The following CAMTA1 variants were observed in gnomAD, a reference collection of about 807,000 sequenced individuals.
The protein encoded by CAMTA1 is calmodulin binding transcription activator 1.
A neutral mutation model predicts 170.9 loss-of-function variants in CAMTA1; 27 were observed. The ratio of observed to expected loss-of-function variants is 0.16; its 90% CI spans 0.12 to 0.22. CAMTA1 has a LOEUF of 0.22. Among genes scored for constraint, CAMTA1 ranks in the 10% least tolerant of loss-of-function variants. The pLI, the probability that CAMTA1 is intolerant of heterozygous loss-of-function variation, is 1.00. For missense variants in CAMTA1, 1,619 were observed against 2,217.2 expected (o/e 0.73, Z 5.42); for synonymous variants, 833 against 891.5 (o/e 0.93, Z 1.17).
chr1:7,133,914 T>C, intron 4 of CAMTA1, among the ~76,000 whole-genome samples: 1 of 152,208 alleles, frequency 6.6e-6, no homozygotes, highest in African/African-American at 2.4e-5. Flanking sequence ...TGTCAACTCT[T>C]GATTTAGATA....
At chr1:7,431,760 T>C (rs1489532150) in intron 5 of CAMTA1, among the ~76,000 whole-genome samples, 1 of 152,144 alleles carries the variant, frequency 6.6e-6, no homozygotes, top group Non-Finnish European at 1.5e-5. Flanking sequence ...AGTAAGCCCT[T>C]CCTTCAAACT....
At position 7,050,978 on chromosome 1, in the gene CAMTA1, C is replaced by T. The variant is rs1385787886; in HGVS notation, c.235-40326C>T. Among the ~76,000 whole-genome samples, 1 of 152,208 alleles carries T rather than the reference C, an allele frequency of 6.6e-6. No individual in the cohort carries two copies. Among genetic ancestry groups the T allele is most frequent in the Non-Finnish European group, 1.5e-5 (1 of 68,038 alleles). On this transcript the variant is annotated intron_variant, in intron 3 of 22. Transcript: ENST00000303635. This position sits in a 1 kb window ranked among gnomAD's most constrained non-coding sequence, Gnocchi z 4.8. Reference sequence around the variant, plus strand: ...GGCACAGGGAGAATGACTGTGCTGCCTCTTTCCGGGGTGTAATTTGAGTTT... The same window carrying T: ...GGCACAGGGAGAATGACTGTGCTGCTTCTTTCCGGGGTGTAATTTGAGTTT...
chr1:6,813,833 A>G (rs1019088799), intron 1 of CAMTA1, among the ~76,000 whole-genome samples: 2 of 152,138 alleles, frequency 1.3e-5, no homozygotes, highest in Admixed American at 6.5e-5. Flanking sequence ...ATAGCAAATC[A>G]AAGTGACCAA....
intron 5 of CAMTA1, among the ~76,000 whole-genome samples, chr1:7,283,744 G>A (rs1039672324): frequency 1.3e-5 from 2 of 151,940 alleles, no homozygotes; most frequent in African/African-American, 4.8e-5. Flanking sequence ...TTTTCCTCTG[G>A]GAGCTGTAAA....
chr1:7,720,667 C>T (rs942579984), intron 11 of CAMTA1, among the ~76,000 whole-genome samples: 4 of 152,186 alleles, frequency 2.6e-5, no homozygotes, highest in African/African-American at 9.7e-5. Flanking sequence ...AGGCGTGAGC[C>T]ACCAGGCCAA....
rs1295300834 is a variant in CAMTA1, at chr1:7,050,535, C to T, written c.235-40769C>T. On this transcript the variant is annotated intron_variant, in intron 3 of 22. Coordinates refer to ENST00000303635, the MANE Select transcript of CAMTA1 (RefSeq NM_015215.4). This position sits in a 1 kb window ranked among gnomAD's most constrained non-coding sequence, Gnocchi z 4.8. ...GGTGTGGAGTCTAGGGCTGAAGTCA[C>T]GGGGTAGACTTCAGACTTCTGCAAA... is the stretch of plus-strand genomic sequence containing the variant. 1.3e-5 allele frequency among the ~76,000 whole-genome samples: 2 copies of T among 152,116 alleles called. No homozygotes were observed. The highest frequency in any genetic ancestry group is 2.4e-5 in the African/African-American group (1 of 41,414).
chr1:7,476,347 G>A (rs753955129), intron 6 of CAMTA1, among the ~76,000 whole-genome samples: 6 of 152,192 alleles, frequency 3.9e-5, no homozygotes, highest in Admixed American at 1.3e-4. Flanking sequence ...GGTCCCTAAA[G>A]CTGGTCAAGA....
At chr1:7,470,303 A>G (rs1205595430) in intron 6 of CAMTA1, among the ~76,000 whole-genome samples, 9 of 152,250 alleles carry the variant, frequency 5.9e-5, no homozygotes, top group African/African-American at 1.7e-4. Context: ...CCCAGAGCCT[A>G]TGTGGCAGCC....
intron 6 of CAMTA1, among the ~76,000 whole-genome samples, chr1:7,488,556 A>G (rs947675): frequency 0.39 from 59,302 of 152,064 alleles, 12,007 homozygotes; most frequent in Middle Eastern, 0.52. Context: ...ACATCTGTAC[A>G]CATGCATGCA....
At chr1:7,724,109 G>A (rs2096667003) in intron 11 of CAMTA1, among the ~76,000 whole-genome samples, 1 of 152,216 alleles carries the variant, frequency 6.6e-6, no homozygotes, top group Non-Finnish European at 1.5e-5. Flanking sequence ...GCGAGCCACT[G>A]CGCCCGGCCT....
intron 3 of CAMTA1, among the ~76,000 whole-genome samples, chr1:6,938,092 C>T (rs749688843): frequency 1.7e-4 from 26 of 152,226 alleles, no homozygotes; most frequent in Admixed American, 2.6e-4. Flanking sequence ...GGAGTCCACT[C>T]TCATAGCCAT....
intron 5 of CAMTA1, among the ~76,000 whole-genome samples, chr1:7,303,205 G>A (rs916622186): frequency 2.0e-5 from 3 of 152,128 alleles, no homozygotes; most frequent in East Asian, 1.9e-4. Flanking sequence ...CTTCTGCCTC[G>A]TAGTTGAGAT....
At chr1:7,348,068 G>A (rs900401833) in intron 5 of CAMTA1, among the ~76,000 whole-genome samples, 4 of 152,146 alleles carry the variant, frequency 2.6e-5, no homozygotes, top group South Asian at 2.1e-4. Flanking sequence ...CAGCTCTGGC[G>A]AGGGACTGAC....
chr1:7,003,509 C>T (rs1049821997), intron 3 of CAMTA1, among the ~76,000 whole-genome samples: 4 of 152,132 alleles, frequency 2.6e-5, no homozygotes, highest in Non-Finnish European at 4.4e-5. Context: ...ACGTGGAATT[C>T]GACACGTCGG....
intron 11 of CAMTA1, among the ~76,000 whole-genome samples, chr1:7,725,330 A>C (rs1298892293): frequency 6.6e-6 from 1 of 152,254 alleles, no homozygotes; most frequent in Non-Finnish European, 1.5e-5. Flanking sequence ...GTAAAGGACA[A>C]AGTAATAAAG....
chr1:7,254,516 T>C (rs996975261), intron 5 of CAMTA1, among the ~76,000 whole-genome samples: 2 of 152,216 alleles, frequency 1.3e-5, no homozygotes, highest in Non-Finnish European at 2.9e-5. Context: ...TTGTATTGCC[T>C]GTAAACAACG....
At chr1:7,441,503 G>A (rs962305981) in intron 5 of CAMTA1, 5 of 152,288 alleles carry the variant, frequency 3.3e-5, no homozygotes, top group African/African-American at 4.8e-5. Flanking sequence ...GCAGAGCCGA[G>A]GCCAGGCCAT....
intron 6 of CAMTA1, among the ~76,000 whole-genome samples, chr1:7,568,243 A>C (rs1391390110): frequency 3.4e-5 from 5 of 148,356 alleles, no homozygotes; most frequent in Non-Finnish European, 7.4e-5. Flanking sequence ...CATCATCAAC[A>C]TCACCGTCGT....
intron 6 of CAMTA1, among the ~76,000 whole-genome samples, chr1:7,602,126 TC>T (rs2095451081): frequency 7.9e-6 from 1 of 126,256 alleles, no homozygotes; most frequent in Non-Finnish European, 1.6e-5. Flanking sequence ...CTTCCTTCCT[TC>T]CTTCCTTCCT....
Sources: gnomAD v4.1 joint callset for allele counts (sites outside exome capture counted in the v4.1 genomes callset) on GRCh38, gnomAD v4.1.1 for gene constraint, Gnocchi (gnomAD v3.1) non-coding constraint, MANE v1.5 for transcripts, NCBI Gene and HGNC (gene_info 2026-07-23, HGNC 2026-07-21) for gene names.